The following ITPR2 variants were observed in gnomAD, a reference collection of about 807,000 sequenced individuals.
ITPR2 encodes the protein inositol 1,4,5-trisphosphate receptor type 2, also known as inositol 1,4,5-trisphosphate-gated calcium channel ITPR2.
ITPR2 carries 207 observed loss-of-function variants against 317.1 expected under a neutral mutation model. The observed-to-expected ratio is 0.65, with a 90% CI of 0.58 to 0.73. The LOEUF (loss-of-function observed/expected upper bound fraction) is 0.73. Ranked by LOEUF, ITPR2 falls within the 30% of genes least tolerant of loss-of-function variation. The pLI, the probability that ITPR2 is intolerant of heterozygous loss-of-function variation, is 0.00. For synonymous variants in ITPR2, 1,156 were observed against 1,149.1 expected, an observed-to-expected ratio of 1.01 and a Z score of -0.12; for missense variants, 2,613 against 3,284.0, an observed-to-expected ratio of 0.80 and a Z score of 4.99.
chr12:26,534,788 C>T (rs973568198), intron 37 of ITPR2, among the ~76,000 whole-genome samples: 11 of 152,162 alleles, frequency 7.2e-5, no homozygotes, highest in African/African-American at 2.7e-4. Flanking sequence ...AGAAAAGATA[C>T]TATGGCACTG....
At chr12:26,373,647 T>C (rs1591971798) in intron 55 of ITPR2, 1 of 152,340 alleles carries the variant, frequency 6.6e-6, no homozygotes, top group Non-Finnish European at 1.5e-5. Flanking sequence ...CGGAATATTA[T>C]TTCTCCAAGT....
chr12:26,429,925 T>C (rs1227984181), intron 48 of ITPR2, among the ~76,000 whole-genome samples: 1 of 152,238 alleles, frequency 6.6e-6, no homozygotes, highest in African/African-American at 2.4e-5. Flanking sequence ...GATAGTCACA[T>C]TGTGCATTGT....
At chr12:26,457,692 G>A (rs1392548150) in intron 45 of ITPR2, among the ~76,000 whole-genome samples, 1 of 152,140 alleles carries the variant, frequency 6.6e-6, no homozygotes, top group African/African-American at 2.4e-5. Context: ...CACAGACGTG[G>A]CTAGAGGGTG....
chr12:26,472,002 A>T (rs958010102), intron 45 of ITPR2, among the ~76,000 whole-genome samples: 1 of 152,242 alleles, frequency 6.6e-6, no homozygotes, highest in Non-Finnish European at 1.5e-5. Flanking sequence ...GAAACCAAAT[A>T]TGACATCCTA....
intron 32 of ITPR2, among the ~76,000 whole-genome samples, chr12:26,594,363 T>C (rs532803804): frequency 6.6e-6 from 1 of 152,092 alleles, no homozygotes; most frequent in East Asian, 1.9e-4. Flanking sequence ...TGCTCTTACA[T>C]GTCTGAGTCT....
chr12:26,455,069 T>C (rs934305232), intron 45 of ITPR2, among the ~76,000 whole-genome samples: 4 of 152,158 alleles, frequency 2.6e-5, no homozygotes, highest in African/African-American at 7.2e-5. Context: ...AATTAGAGGC[T>C]TGAAATTATA....
chr12:26,807,162 C>T (rs1350412670), intron 1 of ITPR2, among the ~76,000 whole-genome samples: 1 of 151,656 alleles, frequency 6.6e-6, no homozygotes, highest in Non-Finnish European at 1.5e-5. Flanking sequence ...GCACTCCGGC[C>T]TGGGTAACAG....
At chr12:26,605,115 TAAA>T (rs773381558) in intron 26 of ITPR2, among the ~76,000 whole-genome samples, 1 of 87,038 alleles carries the variant, frequency 1.1e-5, no homozygotes, top group Non-Finnish European at 2.4e-5. Flanking sequence ...AAATAAAAAA[TAAA>T]AAATAAAAAT....
At chr12:26,368,503 A>G (rs1939087320) in intron 55 of ITPR2, among the ~76,000 whole-genome samples, 1 of 152,158 alleles carries the variant, frequency 6.6e-6, no homozygotes, top group African/African-American at 2.4e-5. Flanking sequence ...TTCTTTTTTT[A>G]AAGAGACAAA....
At chr12:26,418,918 AT>A (rs1209022725) in intron 50 of ITPR2, 130 bp downstream of exon 50, 1 of 737,722 alleles carries the variant, frequency 1.4e-6, no homozygotes, top group East Asian at 3.0e-5. Context: ...TTCCTAGGAA[AT>A]TCTAAAAATA....
intron 56 of ITPR2, 46 bp downstream of exon 56, chr12:26,340,121 T>G: frequency 6.6e-7 from 1 of 1,519,846 alleles, no homozygotes; most frequent in Non-Finnish European, 8.8e-7. Flanking sequence ...CCGGAAGTGG[T>G]GAATGACTTT....
intron 1 of ITPR2, among the ~76,000 whole-genome samples, chr12:26,803,359 CA>C (rs34175926): frequency 0.37 from 53,520 of 144,944 alleles, 9,603 homozygotes; most frequent in Non-Finnish European, 0.39. Flanking sequence ...ATAGTAAGTG[CA>C]AAAAAAAAAA....
chr12:26,481,306 G>A, intron 42 of ITPR2, 65 bp from the exon 43 acceptor site: 1 of 905,568 alleles, frequency 1.1e-6, no homozygotes, highest in Non-Finnish European at 1.7e-6. Context: ...GAACTAACAG[G>A]ATATAAAACA....
intron 10 of ITPR2, among the ~76,000 whole-genome samples, chr12:26,692,433 T>C (rs1592043574): frequency 6.6e-6 from 1 of 152,296 alleles, no homozygotes; most frequent in East Asian, 1.9e-4. Flanking sequence ...AAAACAGACA[T>C]TCCCAAGAAA....
chr12:26,616,155 T>G (rs1310083046), intron 26 of ITPR2, among the ~76,000 whole-genome samples: 1 of 152,122 alleles, frequency 6.6e-6, no homozygotes, highest in Non-Finnish European at 1.5e-5. Context: ...TTATTTTATT[T>G]GAGACAGAGT....
chr12:26,670,113 G>C (rs1022634281), intron 13 of ITPR2, among the ~76,000 whole-genome samples: 22 of 152,318 alleles, frequency 1.4e-4, no homozygotes, highest in African/African-American at 5.1e-4. Context: ...TCCACCTCTG[G>C]GGGCAGGGCA....
At chr12:26,645,005 G>A (rs1348824193) in intron 21 of ITPR2, among the ~76,000 whole-genome samples, 1 of 152,140 alleles carries the variant, frequency 6.6e-6, no homozygotes, top group Non-Finnish European at 1.5e-5. Context: ...CCCTAATGGA[G>A]ACAGCCCTGA....
At position 26,557,055 on chromosome 12, in the gene ITPR2, G is replaced by A. The variant is rs1045921244; in HGVS notation, c.4822-680C>T. Among the ~76,000 whole-genome samples the A allele has an allele frequency of 3.3e-5, 5 of 152,036 alleles. No homozygotes were observed. The Middle Eastern group carries it at 0.01, about 310-fold the overall frequency. ...TATAGCACCATTGCACTCCAGCCTG[G>A]GTGACAGAGCCAAACCCTGTCTCAA... On this transcript the variant is annotated intron_variant, in intron 35 of 56. Coordinates refer to ENST00000381340, the MANE Select transcript of ITPR2 (RefSeq NM_002223.4).
intron 14 of ITPR2, 77 bp from the exon 15 acceptor site, chr12:26,663,923 ATT>A: frequency 7.7e-7 from 1 of 1,299,428 alleles, no homozygotes; most frequent in Non-Finnish European, 1.1e-6. Context: ...AAATAAGAAC[ATT>A]GATTCAAAAA....
Sources: gnomAD v4.1 joint callset for allele counts (sites outside exome capture counted in the v4.1 genomes callset) on GRCh38, gnomAD v4.1.1 for gene constraint, MANE v1.5 for transcripts, NCBI Gene and HGNC (gene_info 2026-07-23, HGNC 2026-07-21) for gene names.